The following NUDT22 variants were observed in gnomAD, a reference collection of about 807,000 sequenced individuals.
The protein encoded by NUDT22 is nudix hydrolase 22.
A neutral mutation model predicts 28.8 loss-of-function variants in NUDT22; 23 were observed. The observed-to-expected ratio is 0.80, with a 90% confidence interval of 0.58 to 1.13. The LOEUF (loss-of-function observed/expected upper bound fraction) is 1.13. NUDT22 is among the 50% of genes most tolerant of loss of function. NUDT22 has a pLI of 0.00. For synonymous variants in NUDT22, 175 were observed against 173.7 expected, an observed-to-expected ratio of 1.01 and a Z score of -0.06; for missense variants, 358 against 387.3, an observed-to-expected ratio of 0.92 and a Z score of 0.64.
In NUDT22 at chr11:64,226,968, G is replaced by C. The variant is rs775058229; in HGVS notation, c.316G>C (p.Gly106Arg). The C allele has an allele frequency of 3.1e-6, 5 of 1,602,708 alleles. No individual in the cohort carries two copies. Among genetic ancestry groups the C allele is most frequent in the East Asian group, 2.2e-5 (1 of 44,874 alleles). The change falls in exon 2 of 6, where the codon GGT (glycine) becomes CGT (arginine). Residue 106 changes from glycine (G) to arginine (R), a missense_variant. Physicochemically the swap from Gly to Arg is moderately radical, Grantham distance 125. Transcript: ENST00000279206. Reference protein sequence around the residue: ...SSSAAWLRQQGATDWGDTQAY... With the variant: ...SSSAAWLRQQRATDWGDTQAY... Reference sequence around the variant, plus strand: ...CTCAGCTGCCTGGCTGCGACAGCAGGGTGCCACCGACTGGGGTGACACGCA... The same window carrying C: ...CTCAGCTGCCTGGCTGCGACAGCAGCGTGCCACCGACTGGGGTGACACGCA...
chr11:64,226,643 C>T lies in NUDT22; in HGVS notation c.-10C>T. 6.4e-7 allele frequency: 1 copy of T among 1,571,724 alleles called. No homozygotes were observed. Among genetic ancestry groups the T allele is most frequent in the Non-Finnish European group, 8.6e-7 (1 of 1,159,680 alleles). ...GCCGTATCCTCCCCCAGAGCTGCCC[C>T]GTTCAGACCATGGATCCTGAGGTGA... On this transcript the variant is annotated 5_prime_UTR_variant, in exon 2 of 6. Transcript: ENST00000279206.
Position 64,229,257 on chromosome 11 carries a change from C to A in NUDT22, c.590C>A (p.Pro197Gln). 1 of 1,578,528 alleles carries A rather than the reference C, an allele frequency of 6.3e-7. No individual in the cohort carries two copies. Among genetic ancestry groups the A allele is most frequent in the South Asian group, 1.1e-5 (1 of 87,610 alleles). Residue 197 changes from proline to glutamine, a missense_variant, in exon 4 of 6, where the codon CCG becomes CAG. Pro to Gln is a moderately conservative substitution (Grantham distance 76, BLOSUM62 -1). Transcript: ENST00000279206. ...CACCCTCCACCGCAGGTGAACCTGC[C>A]GCTGCTCACCCTGAGCCAGCCCCTG... Reference protein sequence around the residue: ...LQEICDEVNLPLLTLSQPLLL... With the variant: ...LQEICDEVNLQLLTLSQPLLL...
chr11:64,229,417 G>C, intron 4 of NUDT22, 61 bp from the exon 5 acceptor site: 1 of 1,605,454 alleles, frequency 6.2e-7, no homozygotes, highest in Non-Finnish European at 8.5e-7. Flanking sequence ...GGCAGCTGTG[G>C]CTCCACAGGT....
At chr11:64,230,088 A>G (rs776637539), downstream of NUDT22, 8 of 1,027,148 alleles carry the variant, frequency 7.8e-6, no homozygotes, top group Non-Finnish European at 1.1e-5. Flanking sequence ...AGGACAAGTG[A>G]CTTGGGAAAA....
At chr11:64,229,016 C>G (rs1368483830) in intron 3 of NUDT22, 3 of 510,934 alleles carry the variant, frequency 5.9e-6, no homozygotes, top group South Asian at 5.8e-5. Flanking sequence ...GTCCCAGTCA[C>G]TAAATTGACT....
intron 1 of NUDT22, 67 bp downstream of exon 1, chr11:64,226,494 T>A (rs1947022621): frequency 6.9e-7 from 1 of 1,442,626 alleles, no homozygotes; most frequent in Non-Finnish European, 9.0e-7. Context: ...GATGGCACGT[T>A]TTACTGCCCA....
chr11:64,228,110 A>G (rs1591069260), intron 3 of NUDT22, among the ~76,000 whole-genome samples: 1 of 149,252 alleles, frequency 6.7e-6, no homozygotes, highest in East Asian at 2.0e-4. Context: ...TGACCTCGTG[A>G]TCTGCCTGCC....
At chr11:64,227,347 C>A in intron 2 of NUDT22, 1 of 742,290 alleles carries the variant, frequency 1.3e-6, no homozygotes, top group Non-Finnish European at 2.4e-6. Context: ...AAAGATTGGG[C>A]ACAGGAAGAA....
At chr11:64,229,707 G>A in intron 5 of NUDT22, 136 bp downstream of exon 5, 1 of 1,361,288 alleles carries the variant, frequency 7.3e-7, no homozygotes, top group Admixed American at 1.8e-5. Context: ...TCAGTGCAAG[G>A]GAAAGGTCCA....
At chr11:64,227,383 T>C in intron 2 of NUDT22, 185 bp from the exon 3 acceptor site, 1 of 723,388 alleles carries the variant, frequency 1.4e-6, no homozygotes, top group South Asian at 1.5e-5. Context: ...CCCTGCCCCC[T>C]GTGTATCTCC....
In NUDT22 at chr11:64,229,588, C is replaced by T. The variant is rs780246558; in HGVS notation, c.771+17C>T. 2.5e-6 allele frequency: 4 copies of T among 1,610,918 alleles called. No individual in the cohort carries two copies. The highest frequency in any genetic ancestry group is 1.3e-5 in the African/African-American group (1 of 75,012). ...GAGACACAGGTGCAGAGTGACAAAC[C>T]ATCTTGCTTGGAGGCCAGGGCTGGG... On this transcript the variant is annotated intron_variant, in intron 5 of 5. Transcript: ENST00000279206.
In NUDT22 at chr11:64,226,860, C is replaced by T; in HGVS notation, c.208C>T (p.Pro70Ser). 1 of 1,607,084 alleles carries T rather than the reference C, an allele frequency of 6.2e-7. No homozygotes were observed. The highest frequency in any genetic ancestry group is 8.5e-7 in the Non-Finnish European group (1 of 1,179,928). ...CCGCCTGCACTCAGCCACCCTGGCGCCTATTGGCTCTCGGGGGCCACAGCT... is the reference window on the plus strand; with the variant it reads ...CCGCCTGCACTCAGCCACCCTGGCGTCTATTGGCTCTCGGGGGCCACAGCT... Reference protein sequence around the residue: ...KFRLHSATLAPIGSRGPQLLL... With the variant: ...KFRLHSATLASIGSRGPQLLL... Residue 70 changes from proline to serine, a missense_variant, in exon 2 of 6, where the codon CCT (proline) becomes TCT (serine). Physicochemically the swap from Pro to Ser is moderately conservative, Grantham distance 74 (BLOSUM62 -1). Transcript: ENST00000279206.
At chr11:64,229,089 A>G (rs1205616866) in intron 3 of NUDT22, 158 bp from the exon 4 acceptor site, 1 of 580,194 alleles carries the variant, frequency 1.7e-6, no homozygotes, top group East Asian at 2.9e-5. Flanking sequence ...TGTAAAACAA[A>G]CATGCCCATC....
chr11:64,226,922 C>T lies in NUDT22; in HGVS notation c.270C>T (p.Phe90=). 6.2e-7 allele frequency: 1 copy of T among 1,602,436 alleles called. No homozygotes were observed. The highest frequency in any genetic ancestry group is 8.5e-7 in the Non-Finnish European group (1 of 1,179,928). ...TGGGCCTTACTTCCTACCGAGACTT[C>T]CTGGGCACCAACTGGTCCAGCTCAG... ...LRLGLTSYRD[F]LGTNWSSSAA... is the part of the protein sequence containing the mutation. The change falls in exon 2 of 6, where the codon TTC becomes TTT. Residue 90 remains phenylalanine, a synonymous_variant. Transcript: ENST00000279206.
At position 64,229,208 on chromosome 11, in the gene NUDT22, G is replaced by C. The variant is rs938603438; in HGVS notation, c.580-39G>C. On this transcript the variant is annotated intron_variant, in intron 3 of 5. Coordinates refer to ENST00000279206, the MANE Select transcript of NUDT22 (RefSeq NM_032344.4). ...GGGCAGGGATGTGGGCAGTGGCATT[G>C]ATAGGTGGGACCTCCCCCCACCCCA... 6 of 1,427,604 alleles carry C rather than the reference G, an allele frequency of 4.2e-6. No individual in the cohort carries two copies. The African/African-American group carries it at 8.5e-5, about 20-fold the overall frequency. 88.4% of individuals were successfully genotyped at this position (1,427,604 alleles called of 1,614,324 possible).
chr11:64,227,114 TG>T lies in NUDT22; in HGVS notation c.465del (p.His156ThrfsTer39). On this transcript the variant is annotated frameshift_variant, in exon 2 of 6. Transcript: ENST00000279206. LOFTEE classifies it high-confidence loss of function. ...EAPGLVDVPGGHPEPQALCPG... is the reference protein window; with the variant it reads ...EAPGLVDVPGXHPEPQALCPG... Reference sequence around the variant, plus strand: ...CCCCTGGGCTGGTGGACGTACCTGGTGGGCACCCTGAGCCTCAGGTGAGATT... The same window carrying T: ...CCCCTGGGCTGGTGGACGTACCTGGTGGCACCCTGAGCCTCAGGTGAGATT... 6.3e-7 allele frequency: 1 copy of T among 1,592,188 alleles called. No homozygotes were observed. The highest frequency in any genetic ancestry group is 1.1e-5 in the South Asian group (1 of 89,214).
chr11:64,228,567 G>A (rs1947111061), intron 3 of NUDT22: 1 of 152,030 alleles, frequency 6.6e-6, no homozygotes, highest in African/African-American at 2.4e-5. Flanking sequence ...AGGAGGCTGA[G>A]GCAGGAGAAT....
rs756385558 is a variant in NUDT22 at position 64,229,871 on chromosome 11, A to G, written c.793A>G (p.Thr265Ala). 3 of 1,613,358 alleles carry G rather than the reference A, an allele frequency of 1.9e-6. No individual in the cohort carries two copies. The East Asian group carries it at 6.7e-5, about 36-fold the overall frequency. The change falls in exon 6 of 6, where the codon ACG becomes GCG. Residue 265 changes from threonine to alanine, a missense_variant. Coordinates refer to ENST00000279206, the MANE Select transcript of NUDT22 (RefSeq NM_032344.4). ...ACAGAACGTGCAGAGATTGCTCGAG[A>G]CGGAGATGTGGGCTGAACTCTGCCC... ...ETQNVQRLLE[T>A]EMWAELCPSA...
In NUDT22 at chr11:64,229,294, C is replaced by T. The variant is rs753276122; in HGVS notation, c.627C>T (p.Ile209=). The change falls in exon 4 of 6, where the codon ATC becomes ATT. Residue 209 remains isoleucine, a synonymous_variant. Transcript: ENST00000279206. Reference sequence around the variant, plus strand: ...TGAGCCAGCCCCTGCTGTTGGGCATCGCCCGAAATGAGACCAGTGCTGGCC... The same window carrying T: ...TGAGCCAGCCCCTGCTGTTGGGCATTGCCCGAAATGAGACCAGTGCTGGCC... The part of the protein sequence containing the change: ...LTLSQPLLLG[I]ARNETSAGRA... 2.1e-5 allele frequency: 33 copies of T among 1,600,790 alleles called. No homozygotes were observed. Among genetic ancestry groups the T allele is most frequent in the South Asian group, 3.3e-5 (3 of 89,626 alleles).
Sources: allele counts gnomAD v4.1 joint callset (sites outside exome capture counted in the v4.1 genomes callset), GRCh38; gene constraint gnomAD v4.1.1; transcripts MANE v1.5; gene names NCBI Gene and HGNC (gene_info 2026-07-23, HGNC 2026-07-21).